The following SBF2 variants were observed in gnomAD, a reference collection of about 807,000 sequenced individuals.
SBF2 encodes the protein myotubularin-related protein 13.
A neutral mutation model predicts 225.2 loss-of-function variants in SBF2; 112 were observed. That is an observed-to-expected ratio of 0.50 (90% confidence interval 0.43 to 0.58). The LOEUF (loss-of-function observed/expected upper bound fraction) is 0.58, where lower values mean the gene tolerates loss of function less well. Ranked by LOEUF, SBF2 falls within the 20% of genes least tolerant of loss-of-function variation. The pLI, the probability that SBF2 is intolerant of heterozygous loss-of-function variation, is 0.00. For synonymous variants in SBF2, 763 were observed against 773.3 expected, an observed-to-expected ratio of 0.99 and a Z score of 0.22; for missense variants, 1,996 against 2,206.2, an observed-to-expected ratio of 0.90 and a Z score of 1.91.
intron 16 of SBF2, among the ~76,000 whole-genome samples, chr11:9,926,603 C>T (rs569291352): frequency 5.3e-5 from 8 of 152,064 alleles, no homozygotes; most frequent in Non-Finnish European, 1.0e-4. Context: ...GAAAGATCCA[C>T]GCAAAGAGTA....
At chr11:10,120,602 T>C (rs904328692) in intron 2 of SBF2, among the ~76,000 whole-genome samples, 8 of 152,080 alleles carry the variant, frequency 5.3e-5, no homozygotes, top group African/African-American at 1.9e-4. Context: ...TCAGTAACAC[T>C]TGTTGTTTTC....
At chr11:10,090,339 T>C (rs1486442198) in intron 2 of SBF2, among the ~76,000 whole-genome samples, 1 of 151,934 alleles carries the variant, frequency 6.6e-6, no homozygotes, top group African/African-American at 2.4e-5. Context: ...TATTTTATGT[T>C]ATATATATTT....
At position 9,808,014 on chromosome 11, in the gene SBF2, C is replaced by CT; in HGVS notation, c.4428dup (p.Asp1477ArgfsTer13). 1.2e-6 allele frequency: 2 copies of CT among 1,613,988 alleles called. No homozygotes were observed. Among genetic ancestry groups the CT allele is most frequent in the Non-Finnish European group, 1.7e-6 (2 of 1,179,868 alleles). On this transcript the variant is annotated frameshift_variant, in exon 32 of 40. Coordinates refer to ENST00000256190, the MANE Select transcript of SBF2 (RefSeq NM_030962.4). LOFTEE classifies it high-confidence loss of function. Reference sequence around the variant, plus strand: ...GCTCTACTTACCTGGTGTACACAGTCTAAGAACTGTAAGAAGACTGGAGCA... The same window carrying CT: ...GCTCTACTTACCTGGTGTACACAGTCTTAAGAACTGTAAGAAGACTGGAGCA...
intron 26 of SBF2, among the ~76,000 whole-genome samples, chr11:9,834,326 A>G (rs1855605501): frequency 6.6e-6 from 1 of 151,856 alleles, no homozygotes; most frequent in Admixed American, 6.6e-5. Flanking sequence ...TCCTGACCTT[A>G]GGTGATCTGC....
In SBF2 at chr11:9,963,847, T is replaced by A. The variant is rs2134369489; in HGVS notation, c.1636A>T (p.Ser546Cys). The A allele has an allele frequency of 6.2e-7, 1 of 1,609,458 alleles. No homozygotes were observed. The highest frequency in any genetic ancestry group is 1.1e-5 in the South Asian group (1 of 90,836). ...IMDKVTTVFNSAQRLEVVRNC... is the reference protein window; with the variant it reads ...IMDKVTTVFNCAQRLEVVRNC... ...CTGACAACTTCTAGTCTTTGTGCAC[T>A]GTTGAAAACTGTCGTCACCTTGTCC... Residue 546 changes from serine to cysteine, a missense_variant, in exon 15 of 40, where the codon AGT becomes TGT. Physicochemically the swap from Ser to Cys is moderately radical, Grantham distance 112. Coordinates refer to ENST00000256190, the MANE Select transcript of SBF2 (RefSeq NM_030962.4).
At chr11:9,999,309 G>A (rs1947845970) in intron 8 of SBF2, among the ~76,000 whole-genome samples, 1 of 150,940 alleles carries the variant, frequency 6.6e-6, no homozygotes, top group African/African-American at 2.4e-5. Context: ...ATGTATGTAT[G>A]TATGTATGTA....
chr11:10,052,095 G>A (rs1229578440), intron 2 of SBF2, among the ~76,000 whole-genome samples: 2 of 151,656 alleles, frequency 1.3e-5, no homozygotes, highest in Non-Finnish European at 1.5e-5. Context: ...AGGATGATAA[G>A]CATTATACAA....
chr11:9,782,969 T>C (rs933210500), intron 38 of SBF2: 1 of 152,114 alleles, frequency 6.6e-6, no homozygotes, highest in African/African-American at 2.4e-5. Context: ...CTCTCTAGTA[T>C]ACATGGCAAG....
chr11:9,976,090 T>C (rs1946670694), intron 13 of SBF2, among the ~76,000 whole-genome samples: 1 of 150,508 alleles, frequency 6.6e-6, no homozygotes, highest in Non-Finnish European at 1.5e-5. Context: ...TTTTTTTTTT[T>C]TGAGACGAAG....
intron 2 of SBF2, among the ~76,000 whole-genome samples, chr11:10,162,331 A>C (rs1034043603): frequency 3.9e-5 from 6 of 152,126 alleles, no homozygotes; most frequent in African/African-American, 1.4e-4. Context: ...CGAAATCTCT[A>C]TCCTTGGGGC....
intron 26 of SBF2, among the ~76,000 whole-genome samples, chr11:9,832,729 T>C (rs1399339543): frequency 2.0e-5 from 3 of 151,998 alleles, no homozygotes; most frequent in Non-Finnish European, 2.9e-5. Context: ...GCGTGAGCCA[T>C]TGTGCCTGGC....
Position 10,029,891 on chromosome 11 carries a change from T to C in SBF2, c.403-16A>G, listed in dbSNP as rs768109142. The C allele has an allele frequency of 2.0e-6, 3 of 1,473,290 alleles. No individual in the cohort carries two copies. The African/African-American group carries it at 4.2e-5, about 20-fold the overall frequency. The allele number at this position is 1,473,290 out of a possible 1,614,324, so 91.3% of individuals were successfully genotyped here. A position where few individuals can be genotyped will look rare whatever the true frequency, so the allele number is the denominator to read the frequency against. On this transcript the variant is annotated splice_polypyrimidine_tract_variant and intron_variant, in intron 4 of 39. Transcript: ENST00000256190. ...CCAGGCAAGCCTGCAAAAAGATAAA[T>C]ACATGTAATTATTTCATGGAAAAAG... is the stretch of plus-strand genomic sequence containing the variant.
At chr11:10,231,920 G>T (rs1958866333) in intron 1 of SBF2, among the ~76,000 whole-genome samples, 1 of 152,250 alleles carries the variant, frequency 6.6e-6, no homozygotes, top group African/African-American at 2.4e-5. Flanking sequence ...AGCCTACAGA[G>T]GCAGGCAGGC....
At chr11:10,280,920 T>C (rs1310045263) in intron 1 of SBF2, among the ~76,000 whole-genome samples, 2 of 152,220 alleles carry the variant, frequency 1.3e-5, no homozygotes, top group African/African-American at 4.8e-5. Context: ...CAGTTAACTT[T>C]CGGCCCTAAA....
At chr11:9,800,528 T>C (rs1475664408) in intron 32 of SBF2, among the ~76,000 whole-genome samples, 5 of 151,780 alleles carry the variant, frequency 3.3e-5, no homozygotes, top group African/African-American at 7.3e-5. Flanking sequence ...TGCCTCAGCC[T>C]CCCGAGTAGC....
At chr11:10,227,871 G>T (rs1958646899) in intron 1 of SBF2, among the ~76,000 whole-genome samples, 1 of 151,630 alleles carries the variant, frequency 6.6e-6, no homozygotes, top group Admixed American at 6.6e-5. Flanking sequence ...GTCATTGGTA[G>T]CTTGATGGGG....
chr11:9,915,360 T>C (rs1453344909), intron 16 of SBF2, among the ~76,000 whole-genome samples: 3 of 150,732 alleles, frequency 2.0e-5, no homozygotes, highest in African/African-American at 7.3e-5. Flanking sequence ...GGCAGGAGAA[T>C]TGCTTGAACC....
In SBF2 at chr11:9,839,429, G is replaced by A. The variant is rs1022347887; in HGVS notation, c.3455+69C>T. 4.2e-6 allele frequency: 6 copies of A among 1,428,626 alleles called. No individual in the cohort carries two copies. The South Asian group carries it at 5.8e-5, about 14-fold the overall frequency. The allele number at this position is 1,428,626 out of a possible 1,614,324, so 88.5% of individuals were successfully genotyped here. On this transcript the variant is annotated intron_variant, in intron 26 of 39. Transcript: ENST00000256190. ...CTATCTCAGGGCTATGGATGCAAAT[G>A]GCCTATTAAAGATTCAAATAAGAAG...
At chr11:9,989,055 T>TATATATATACAC (rs963608316) in intron 13 of SBF2, among the ~76,000 whole-genome samples, 1 of 142,630 alleles carries the variant, frequency 7.0e-6, no homozygotes, top group Non-Finnish European at 1.6e-5. Context: ...TATATATATA[T>TATATATATACAC]ACATATGCAT....
Sources: gnomAD v4.1 joint callset for allele counts (sites outside exome capture counted in the v4.1 genomes callset) on GRCh38, gnomAD v4.1.1 for gene constraint, MANE v1.5 for transcripts, NCBI Gene and HGNC (gene_info 2026-07-23, HGNC 2026-07-21) for gene names.